URB1: variants seen among roughly 807,000 people sequenced by gnomAD.
URB1 encodes the protein nucleolar pre-ribosomal-associated protein 1.
In URB1, 197 loss-of-function variants were observed where a neutral mutation model predicts 242.3. The observed-to-expected ratio is 0.81, with a 90% CI of 0.72 to 0.91. The LOEUF is 0.91. Ranked by LOEUF, URB1 falls within the 40% of genes least tolerant of loss-of-function variation. The pLI, the probability that URB1 is intolerant of heterozygous loss-of-function variation, is 0.00. For synonymous variants in URB1, 1,153 were observed against 1,201.8 expected, an observed-to-expected ratio of 0.96 and a Z score of 0.84; for missense variants, 2,721 against 2,860.5, an observed-to-expected ratio of 0.95 and a Z score of 1.11.
At chr21:32,383,616 A>C in intron 3 of URB1, 62 bp from the exon 4 acceptor site, 1 of 1,456,630 alleles carries the variant, frequency 6.9e-7, no homozygotes, top group Non-Finnish European at 9.1e-7. Flanking sequence ...GAGCCGCCTC[A>C]CCACAAAGCC....
chr21:32,336,003 G>A (rs1241643646), intron 28 of URB1, among the ~76,000 whole-genome samples: 1 of 152,100 alleles, frequency 6.6e-6, no homozygotes, highest in African/African-American at 2.4e-5. Context: ...TGGGTAGCTG[G>A]AACAATGCTG....
chr21:32,378,669 AC>A, intron 4 of URB1, 128 bp from the exon 5 acceptor site: 2 of 746,814 alleles, frequency 2.7e-6, no homozygotes, highest in Non-Finnish European at 4.5e-6. Flanking sequence ...GTCCCCAGTC[AC>A]CAGGGGATGC....
chr21:32,391,133 C>T (rs1397329101), intron 1 of URB1, among the ~76,000 whole-genome samples: 1 of 151,198 alleles, frequency 6.6e-6, no homozygotes, highest in Admixed American at 6.6e-5. Context: ...AACCAAACAC[C>T]GCATGTTCTC....
rs1463545065 is a variant in URB1, at chr21:32,352,763, G to GT, written c.2559dup (p.Arg854ThrfsTer3). On this transcript the variant is annotated frameshift_variant, in exon 19 of 39. Coordinates refer to ENST00000382751, the MANE Select transcript of URB1 (RefSeq NM_014825.3). LOFTEE classifies it high-confidence loss of function. ...CAGAGGCTGTAGTATCTGTTAAACC[G>GT]TGAGAGCTGCTGGCAGCAAGGCACC... The GT allele has an allele frequency of 6.4e-7, 1 of 1,551,666 alleles. No homozygotes were observed. The highest frequency in any genetic ancestry group is 8.7e-7 in the Non-Finnish European group (1 of 1,147,002).
intron 8 of URB1, among the ~76,000 whole-genome samples, chr21:32,370,231 C>G (rs2033392304): frequency 6.6e-6 from 1 of 152,020 alleles, no homozygotes. Flanking sequence ...TGTCTCACAT[C>G]CCCCTTATAA....
rs1466311885 is a variant in URB1 at position 32,366,675 on chromosome 21, C to T, written c.1278G>A (p.Val426=). The stretch of plus-strand genomic sequence containing the variant: ...ACACCAGGGGCACGGTGGTCACCAT[C>T]ACCATTGCCAGGAGCCGAGGCAAGG... ...FIPLPRLLAM[V]MVTTVPLVCN... is the part of the protein sequence containing the mutation. The change falls in exon 10 of 39, where the codon GTG becomes GTA. Residue 426 remains valine (V), a synonymous_variant. Transcript: ENST00000382751. 2.6e-6 allele frequency: 4 copies of T among 1,551,332 alleles called. No homozygotes were observed. In the African/African-American group the frequency reaches 5.5e-5, roughly 21 times the overall value.
At chr21:32,318,752 T>C (rs1411461764) in intron 36 of URB1, among the ~76,000 whole-genome samples, 2 of 152,168 alleles carry the variant, frequency 1.3e-5, no homozygotes, top group Admixed American at 6.5e-5. Context: ...CGGAGGAAAA[T>C]ACTGAAACAT....
chr21:32,355,431 T>G lies in URB1; in HGVS notation c.2106+18A>C. 6.5e-7 allele frequency: 1 copy of G among 1,545,936 alleles called. No homozygotes were observed. Among genetic ancestry groups the G allele is most frequent in the Non-Finnish European group, 8.8e-7 (1 of 1,141,644 alleles). On this transcript the variant is annotated intron_variant, in intron 16 of 38. Transcript: ENST00000382751. ...TTATCTCTGAGCATGTTCCTTTATG[T>G]GGGAAATATGTGCTTACGCGTTCCA...
In URB1 at chr21:32,353,921, A is replaced by G. The variant is rs1170444538; in HGVS notation, c.2416+12T>C. The G allele has an allele frequency of 6.4e-6, 10 of 1,551,300 alleles. No individual in the cohort carries two copies. The highest frequency in any genetic ancestry group is 8.7e-6 in the Non-Finnish European group (10 of 1,146,850). ...CAGGTGCAGCCAAGACATCCTGACT[A>G]TACATAGGTACCTGCTTCATTGCCT... On this transcript the variant is annotated intron_variant, in intron 18 of 38. Coordinates refer to ENST00000382751, the MANE Select transcript of URB1 (RefSeq NM_014825.3).
In URB1 at chr21:32,345,568, G is replaced by A. The variant is rs2833779; in HGVS notation, c.3876C>T (p.Ser1292=). The change falls in exon 23 of 39, where the codon TCC becomes TCT. Residue 1292 remains serine, a synonymous_variant. Transcript: ENST00000382751. ...SHFTRPAGVS[S]AVIPVLRKTL... is the part of the protein sequence containing the mutation. ...TCTTCCTCAAGACAGGAATGACAGC[G>A]GAAGACACTAGGGCAGAGATACAAA... 0.12 allele frequency: 189,956 copies of A among 1,540,252 alleles called. 13,208 individuals are homozygous for A. The highest frequency in any genetic ancestry group is 0.28 in the African/African-American group (20,429 of 72,846).
At position 32,354,956 on chromosome 21, in the gene URB1, G is replaced by C. The variant is rs1368887200; in HGVS notation, c.2148C>G (p.Asp716Glu). Residue 716 changes from aspartate (D) to glutamate (E), a missense_variant, in exon 17 of 39, where the codon GAC becomes GAG. Transcript: ENST00000382751. ...TLVANPYSYTDKASDFVQEAS... is the reference protein window; with the variant it reads ...TLVANPYSYTEKASDFVQEAS... ...CTTCTTGGACAAAGTCAGATGCTTT[G>C]TCTGTGTATGAATAGGGATTCGCCA... is the stretch of plus-strand genomic sequence containing the variant. 1 of 1,552,220 alleles carries C rather than the reference G, an allele frequency of 6.4e-7. No individual in the cohort carries two copies. Among genetic ancestry groups the C allele is most frequent in the Non-Finnish European group, 8.7e-7 (1 of 1,147,110 alleles).
rs571002444 is a variant in URB1, at chr21:32,328,814, C to T, written c.4961-3425G>A. Among the ~76,000 whole-genome samples, 11 of 152,248 alleles carry T rather than the reference C, an allele frequency of 7.2e-5. No individual in the cohort carries two copies. In the East Asian group the frequency reaches 1.4e-3, roughly 19 times the overall value. ...CTTTGTAACACTTATGGAAAAGAGC[C>T]GCCCTCAGAATGCTGAAAACATGAT... On this transcript the variant is annotated intron_variant, in intron 30 of 38. Transcript: ENST00000382751.
At chr21:32,319,126 G>A (rs1397657546) in intron 36 of URB1, 91 bp downstream of exon 36, 1 of 1,317,006 alleles carries the variant, frequency 7.6e-7, no homozygotes, top group Non-Finnish European at 1.0e-6. Context: ...CCCTGGTACA[G>A]AGTCATGACT....
At position 32,317,936 on chromosome 21, in the gene URB1, T is replaced by TA; in HGVS notation, c.5793-20dup. On this transcript the variant is annotated intron_variant, in intron 36 of 38. Transcript: ENST00000382751. ...GGTGGGCCTGTTTGGGAGTCAATGT[T>TA]ACAGACTGAGCAAAGGCTGCTGCCC... is the stretch of plus-strand genomic sequence containing the variant. The TA allele has an allele frequency of 6.4e-7, 1 of 1,551,056 alleles. No individual in the cohort carries two copies. The highest frequency in any genetic ancestry group is 8.7e-7 in the Non-Finnish European group (1 of 1,146,764).
At chr21:32,345,722 G>A (rs111246893) in intron 22 of URB1, 147 bp from the exon 23 acceptor site, 10 of 768,860 alleles carry the variant, frequency 1.3e-5, no homozygotes, top group African/African-American at 5.3e-5. Context: ...GGTCACGGCA[G>A]GAGTACTGAC....
intron 30 of URB1, among the ~76,000 whole-genome samples, chr21:32,330,835 C>T (rs537166096): frequency 3.3e-5 from 5 of 152,252 alleles, no homozygotes; most frequent in South Asian, 2.1e-4. Context: ...ATGAAATGCC[C>T]CCTGCTCTCT....
chr21:32,346,061 G>A (rs546753093), intron 22 of URB1, among the ~76,000 whole-genome samples: 2 of 152,210 alleles, frequency 1.3e-5, no homozygotes, highest in Admixed American at 6.5e-5. Context: ...TGCAGTCCTT[G>A]TGGTAGAGTG....
intron 2 of URB1, 113 bp from the exon 3 acceptor site, chr21:32,384,577 G>T: frequency 7.5e-7 from 1 of 1,330,432 alleles, no homozygotes; most frequent in Non-Finnish European, 1.0e-6. Flanking sequence ...CCTTCAACAT[G>T]CAGGATGACG....
chr21:32,371,493 T>C (rs1253961811), intron 8 of URB1, among the ~76,000 whole-genome samples: 1 of 152,172 alleles, frequency 6.6e-6, no homozygotes, highest in African/African-American at 2.4e-5. Flanking sequence ...AATGAGCTCA[T>C]TCTTACTGAT....
Sources: allele counts gnomAD v4.1 joint callset (sites outside exome capture counted in the v4.1 genomes callset), GRCh38; gene constraint gnomAD v4.1.1; transcripts MANE v1.5; gene names NCBI Gene and HGNC (gene_info 2026-07-23, HGNC 2026-07-21).